RMDN1: variants seen among roughly 807,000 people sequenced by gnomAD.
RMDN1 encodes the protein regulator of microtubule dynamics protein 1.
In RMDN1, 48 loss-of-function variants were observed where a neutral mutation model predicts 48.9. That is an observed-to-expected ratio of 0.98 (90% CI 0.78 to 1.25). The LOEUF (loss-of-function observed/expected upper bound fraction) is 1.25, where lower values mean the gene tolerates loss of function less well. Among genes scored for constraint, RMDN1 ranks in the 50% most tolerant of loss-of-function variants. The pLI is 0.00. For synonymous variants in RMDN1, 148 were observed against 132.6 expected (o/e 1.12, Z -0.80); for missense variants, 418 against 373.4 (o/e 1.12, Z -0.98).
intron 2 of RMDN1, among the ~76,000 whole-genome samples, chr8:86,492,306 G>A (rs573731842): frequency 1.1e-4 from 17 of 152,134 alleles, no homozygotes; most frequent in Non-Finnish European, 1.5e-4. Flanking sequence ...TATGCACAAA[G>A]AGTACTATGA....
intron 2 of RMDN1, among the ~76,000 whole-genome samples, chr8:86,497,788 C>T (rs562950620): frequency 6.6e-6 from 1 of 151,578 alleles, no homozygotes; most frequent in African/African-American, 2.4e-5. Flanking sequence ...AATATTAACA[C>T]TAACACCAGA....
chr8:86,504,576 G>A (rs896176464), intron 2 of RMDN1: 1 of 1,151,030 alleles, frequency 8.7e-7, no homozygotes, highest in Admixed American at 1.7e-5. Flanking sequence ...GGGCAGGAAG[G>A]CGGACCCTGC....
intron 2 of RMDN1, among the ~76,000 whole-genome samples, chr8:86,493,836 C>G (rs1229515200): frequency 6.6e-6 from 1 of 152,144 alleles, no homozygotes; most frequent in Non-Finnish European, 1.5e-5. Flanking sequence ...TAAATAAACT[C>G]TATGTTTAGA....
At chr8:86,503,567 A>G (rs1818766229) in intron 2 of RMDN1, 3 of 399,236 alleles carry the variant, frequency 7.5e-6, no homozygotes, top group South Asian at 6.6e-5. Flanking sequence ...AAAGAATTAG[A>G]TTAGGACCAT....
At chr8:86,490,791 T>G (rs1301039847) in intron 2 of RMDN1, among the ~76,000 whole-genome samples, 1 of 152,162 alleles carries the variant, frequency 6.6e-6, no homozygotes, top group East Asian at 1.9e-4. Flanking sequence ...TTCTCTGACT[T>G]ACTAAAAAGA....
chr8:86,482,849 T>G, intron 5 of RMDN1: 1 of 1,158,730 alleles, frequency 8.6e-7, no homozygotes, highest in Non-Finnish European at 1.3e-6. Context: ...GCGAGCTCTC[T>G]TTGCTGAACA....
In RMDN1 at chr8:86,473,608, A is replaced by C; in HGVS notation, c.*700T>G. On this transcript the variant is annotated 3_prime_UTR_variant, in exon 10 of 10. Transcript: ENST00000406452. ...TGGCAAAACCCCATCTCTACCAAAAATACAAAAGTTAGCCGAGTGTGGTGG... is the reference window on the plus strand; with the variant it reads ...TGGCAAAACCCCATCTCTACCAAAACTACAAAAGTTAGCCGAGTGTGGTGG... 1 of 408,702 alleles carries C rather than the reference A, an allele frequency of 2.4e-6. No individual in the cohort carries two copies. The highest frequency in any genetic ancestry group is 3.3e-6 in the Non-Finnish European group (1 of 303,164). 25.3% of individuals were successfully genotyped at this position (408,702 alleles called of 1,614,324 possible). A position where few individuals can be genotyped will look rare whatever the true frequency, so the allele number is the denominator to read the frequency against.
intron 9 of RMDN1, chr8:86,474,579 T>C: frequency 1.4e-6 from 1 of 707,596 alleles, no homozygotes; most frequent in South Asian, 1.6e-5. Flanking sequence ...CGATCTGCCA[T>C]GTGTGTCAAA....
chr8:86,504,670 T>C, intron 2 of RMDN1: 1 of 878,062 alleles, frequency 1.1e-6, no homozygotes, highest in Non-Finnish European at 2.0e-6. Flanking sequence ...GGGATGAGCT[T>C]TGTCTTTATC....
At chr8:86,497,440 T>C (rs894875817) in intron 2 of RMDN1, among the ~76,000 whole-genome samples, 1 of 152,290 alleles carries the variant, frequency 6.6e-6, no homozygotes, top group African/African-American at 2.4e-5. Context: ...CAGTGGCACA[T>C]GCCTGTAATC....
chr8:86,474,287 T>C lies in RMDN1; in HGVS notation c.*21A>G, dbSNP rs771934598. On this transcript the variant is annotated 3_prime_UTR_variant, in exon 10 of 10. Transcript: ENST00000406452. ...AAGGCAATGTTTATTAGCTATTTCATAAATCTTCTCTGAAAAGTTCTCAAT... is the reference window on the plus strand; with the variant it reads ...AAGGCAATGTTTATTAGCTATTTCACAAATCTTCTCTGAAAAGTTCTCAAT... The C allele has an allele frequency of 4.3e-6, 7 of 1,613,036 alleles. No homozygotes were observed. Among genetic ancestry groups the C allele is most frequent in the Non-Finnish European group, 5.9e-6 (7 of 1,179,574 alleles).
In RMDN1 at chr8:86,504,433, G is replaced by A. The variant is rs184313523; in HGVS notation, c.247+2562C>T. ...GCTCCAGCTCTCTCGACAGCTCTCTGGAATCAATGTTGTGTTCTATTACTC... is the reference window on the plus strand; with the variant it reads ...GCTCCAGCTCTCTCGACAGCTCTCTAGAATCAATGTTGTGTTCTATTACTC... On this transcript the variant is annotated intron_variant, in intron 2 of 9. Transcript: ENST00000406452. The A allele has an allele frequency of 1.5e-5, 24 of 1,558,470 alleles. No homozygotes were observed. In the East Asian group the frequency reaches 4.7e-4, roughly 31 times the overall value.
chr8:86,481,974 A>C lies in RMDN1; in HGVS notation c.586-1642T>G, dbSNP rs1293810356. 10 of 872,990 alleles carry C rather than the reference A, an allele frequency of 1.1e-5. No homozygotes were observed. In the South Asian group the frequency reaches 1.4e-4, roughly 13 times the overall value. 54.1% of individuals were successfully genotyped at this position (872,990 alleles called of 1,614,324 possible). ...GTCATCTTGCTGCAAGCAGAAATCC[A>C]CATGTGGAAATGGTGTCCAGGAGTA... is the stretch of plus-strand genomic sequence containing the variant. On this transcript the variant is annotated intron_variant, in intron 5 of 9. Coordinates refer to ENST00000406452, the MANE Select transcript of RMDN1 (RefSeq NM_016033.3).
At chr8:86,478,674 G>C (rs536247771) in intron 7 of RMDN1, 23 of 453,430 alleles carry the variant, frequency 5.1e-5, no homozygotes, top group Admixed American at 8.1e-5. Context: ...AATGAAGGTA[G>C]ATTTTAGCCA....
intron 5 of RMDN1, chr8:86,483,024 C>A: frequency 1.7e-6 from 1 of 582,782 alleles, no homozygotes; most frequent in South Asian, 2.1e-5. Flanking sequence ...CCGCCCAGGC[C>A]AGGGTTTAAT....
intron 2 of RMDN1, among the ~76,000 whole-genome samples, chr8:86,503,380 A>AAAAAC (rs1563656546): frequency 3.4e-5 from 2 of 59,000 alleles, no homozygotes; most frequent in Non-Finnish European, 3.0e-5. Context: ...ACAAAAAAAA[A>AAAAAC]AAAAAAAAAC....
chr8:86,486,710 A>T (rs1470167971), intron 3 of RMDN1, 67 bp from the exon 4 acceptor site: 2 of 1,220,808 alleles, frequency 1.6e-6, no homozygotes, highest in Admixed American at 4.9e-5. Flanking sequence ...GGGTTACATT[A>T]CTAATGAATA....
At chr8:86,486,763 A>C in intron 3 of RMDN1, 120 bp from the exon 4 acceptor site, 1 of 609,424 alleles carries the variant, frequency 1.6e-6, no homozygotes. Flanking sequence ...CATGATATCA[A>C]AAGCCATTAG....
At chr8:86,500,440 A>G (rs1023391810) in intron 2 of RMDN1, among the ~76,000 whole-genome samples, 1 of 151,974 alleles carries the variant, frequency 6.6e-6, no homozygotes, top group African/African-American at 2.4e-5. Flanking sequence ...TCACATCACT[A>G]TCACCACAGA....
Sources: allele counts gnomAD v4.1 joint callset (sites outside exome capture counted in the v4.1 genomes callset), GRCh38; gene constraint gnomAD v4.1.1; transcripts MANE v1.5; gene names NCBI Gene and HGNC (gene_info 2026-07-23, HGNC 2026-07-21).